DRC4: variants seen among roughly 807,000 people sequenced by gnomAD.
DRC4 encodes the protein GAS-11.
chr16:90,032,379 T>A, the DRC4 span, among the ~76,000 whole-genome samples: 1 of 144,870 alleles, frequency 6.9e-6, no homozygotes, highest in African/African-American at 2.6e-5. Context: ...TGACCAGGTG[T>A]GTACGGGTAC....
the DRC4 span, among the ~76,000 whole-genome samples, chr16:90,023,981 T>TAAAAA: frequency 7.7e-6 from 1 of 129,286 alleles, no homozygotes; most frequent in Admixed American, 7.9e-5. Context: ...ACACGTCTCT[T>TAAAAA]AAAAAAAAAA....
the DRC4 span, chr16:90,022,554 C>G: frequency 4.6e-5 from 30 of 659,216 alleles, no homozygotes; most frequent in Middle Eastern, 1.9e-3. Flanking sequence ...TCCGGACGCC[C>G]GTCTCTAGGG....
the DRC4 span, chr16:90,029,350 C>T: frequency 9.7e-6 from 13 of 1,334,970 alleles, no homozygotes; most frequent in African/African-American, 1.8e-4. Flanking sequence ...CATCTGTTCA[C>T]TGGGGAGTGC....
chr16:90,043,269 T>A, the DRC4 span: 1 of 1,613,612 alleles, frequency 6.2e-7, no homozygotes, highest in Non-Finnish European at 8.5e-7. Flanking sequence ...AACGTGGGCT[T>A]CAAGCCCTTG....
At chr16:90,037,424 C>T in the DRC4 span, 1 of 1,594,510 alleles carries the variant, frequency 6.3e-7, no homozygotes, top group South Asian at 1.1e-5. Context: ...GGATTCCTCT[C>T]CCTCCTTGGC....
At chr16:90,033,042 C>G in the DRC4 span, 2 of 1,046,028 alleles carry the variant, frequency 1.9e-6, no homozygotes, top group East Asian at 2.6e-5. Context: ...ATAAGACTTT[C>G]TGCATTTTTG....
chr16:90,032,745 C>G, the DRC4 span: 353 of 1,613,874 alleles, frequency 2.2e-4, 5 homozygotes, highest in South Asian at 3.2e-3. Flanking sequence ...GAAGCACCTG[C>G]TATATGAGCA....
the DRC4 span, chr16:90,032,862 C>G: frequency 6.2e-7 from 1 of 1,613,888 alleles, no homozygotes; most frequent in Non-Finnish European, 8.5e-7. Context: ...CATGCGGGCA[C>G]TGAAGGTGGA....
chr16:90,040,510 G>T, the DRC4 span: 1 of 1,594,912 alleles, frequency 6.3e-7, no homozygotes, highest in Non-Finnish European at 8.5e-7. Context: ...CAAGCTGGAG[G>T]TAGGCCCTAG....
At chr16:90,043,068 C>A in the DRC4 span, 1 of 1,094,844 alleles carries the variant, frequency 9.1e-7, no homozygotes, top group Non-Finnish European at 1.3e-6. Context: ...CGGGAAATGA[C>A]TGATAAGCCT....
At chr16:90,041,739 C>T in the DRC4 span, among the ~76,000 whole-genome samples, 7 of 151,894 alleles carry the variant, frequency 4.6e-5, no homozygotes, top group African/African-American at 1.2e-4. Context: ...GCGGAGGTTG[C>T]GGTGAGCCTA....
At chr16:90,027,864 C>A in the DRC4 span, 1 of 704,346 alleles carries the variant, frequency 1.4e-6, no homozygotes, top group South Asian at 1.8e-5. Flanking sequence ...GCCCATAATT[C>A]CCATCAGCGG....
chr16:90,043,677 T>C, the DRC4 span: 7 of 530,948 alleles, frequency 1.3e-5, no homozygotes, highest in Non-Finnish European at 2.6e-5. Context: ...CGCGCTGTGC[T>C]GCCTGTCTTC....
the DRC4 span, chr16:90,031,407 C>A: frequency 1.9e-6 from 3 of 1,613,734 alleles, no homozygotes; most frequent in African/African-American, 1.3e-5. Context: ...GGAGATCACA[C>A]GGAGGCAGCT....
chr16:90,029,430 A>T, the DRC4 span: 1 of 815,086 alleles, frequency 1.2e-6, no homozygotes, highest in Non-Finnish European at 1.8e-6. Flanking sequence ...CTGGATATTT[A>T]TAAGAAATCT....
At chr16:90,036,061 T>C in the DRC4 span, 9 of 709,942 alleles carry the variant, frequency 1.3e-5, no homozygotes, top group Non-Finnish European at 1.9e-5. Flanking sequence ...AAAGGCTGAT[T>C]GTGGCTGGGT....
chr16:90,042,990 A>C, the DRC4 span: 1 of 570,340 alleles, frequency 1.8e-6, no homozygotes, highest in Non-Finnish European at 3.1e-6. Context: ...GAATAGGAAT[A>C]GTGACAGCCT....
chr16:90,040,581 T>C, the DRC4 span: 3 of 1,342,324 alleles, frequency 2.2e-6, no homozygotes, highest in African/African-American at 5.3e-5. Context: ...AGTTCTGTGC[T>C]GCTCCTCGGA....
chr16:90,036,756 G>A, the DRC4 span: 131 of 727,148 alleles, frequency 1.8e-4, 2 homozygotes, highest in African/African-American at 1.7e-3. Context: ...CCTAAATAAC[G>A]TAACCTATCT....
Sources: gnomAD v4.1 joint callset for allele counts (sites outside exome capture counted in the v4.1 genomes callset) on GRCh38, gnomAD v4.1.1 for gene constraint, MANE v1.5 for transcripts, NCBI Gene and HGNC (gene_info 2026-07-23, HGNC 2026-07-21) for gene names.